Variants in DNAI4 observed in about 807,000 individuals in gnomAD.
DNAI4 encodes the protein dynein axonemal intermediate chain 4.
DNAI4 carries 85 observed loss-of-function variants against 105.8 expected under a neutral mutation model. The ratio of observed to expected loss-of-function variants is 0.80; its 90% CI spans 0.67 to 0.96. The LOEUF is 0.96. Ranked by LOEUF, DNAI4 falls within the 40% of genes least tolerant of loss-of-function variation. The pLI, the probability that DNAI4 is intolerant of heterozygous loss-of-function variation, is 0.00. For synonymous variants in DNAI4, 352 were observed against 331.5 expected, an observed-to-expected ratio of 1.06 and a Z score of -0.67; for missense variants, 1,014 against 1,005.6, an observed-to-expected ratio of 1.01 and a Z score of -0.11.
intron 1 of DNAI4, among the ~76,000 whole-genome samples, chr1:66,909,285 TACACACACACACAC>T (rs71058481): frequency 7.4e-6 from 1 of 134,466 alleles, no homozygotes; most frequent in African/African-American, 2.9e-5. Flanking sequence ...CACCTCTCTC[TACACACACACACAC>T]ACACACACAC....
At chr1:66,879,782 A>C (rs567855546) in intron 4 of DNAI4, among the ~76,000 whole-genome samples, 1 of 152,258 alleles carries the variant, frequency 6.6e-6, no homozygotes, top group South Asian at 2.1e-4. Context: ...TATGAAACTG[A>C]GCATCATTTC....
chr1:66,882,501 G>A (rs1447751484), intron 4 of DNAI4, among the ~76,000 whole-genome samples: 1 of 148,784 alleles, frequency 6.7e-6, no homozygotes, highest in Non-Finnish European at 1.5e-5. Context: ...TGTAAGGTCT[G>A]TGTCTATGCT....
intron 7 of DNAI4, among the ~76,000 whole-genome samples, chr1:66,854,437 T>A (rs544666760): frequency 6.6e-6 from 1 of 151,832 alleles, no homozygotes; most frequent in Non-Finnish European, 1.5e-5. Context: ...AAAAAAAAAC[T>A]TAGGTGTAAA....
intron 6 of DNAI4, among the ~76,000 whole-genome samples, chr1:66,868,918 A>C (rs1646785250): frequency 6.6e-6 from 1 of 152,026 alleles, no homozygotes; most frequent in African/African-American, 2.4e-5. Flanking sequence ...TCTACTAAAA[A>C]TACAAAAATT....
At chr1:66,892,997 G>GAAAGAA (rs1434711897) in intron 3 of DNAI4, among the ~76,000 whole-genome samples, 1 of 111,478 alleles carries the variant, frequency 9.0e-6, no homozygotes, top group Non-Finnish European at 1.9e-5. Context: ...AAGAAAGAAA[G>GAAAGAA]AGAGAAAGAG....
At chr1:66,836,312 GAAAGAAAGAAAGAA>G (rs1557909172) in intron 10 of DNAI4, among the ~76,000 whole-genome samples, 1 of 146,962 alleles carries the variant, frequency 6.8e-6, no homozygotes. Flanking sequence ...AAGAAAGAAA[GAAAGAAAGAAAGAA>G]GGAAAGAGGG....
intron 6 of DNAI4, among the ~76,000 whole-genome samples, chr1:66,865,025 T>C (rs1380031957): frequency 6.6e-6 from 1 of 152,228 alleles, no homozygotes; most frequent in African/African-American, 2.4e-5. Context: ...ACTACACATG[T>C]ATGTGTTGTA....
rs1645788324 is a variant in DNAI4 at position 66,827,873 on chromosome 1, T to C, written c.2051A>G (p.His684Arg). ...NIYLAGTEEG[H>R]IHKCSCSYNE... ...ATATGAACAAGAACATTTGTGAATA[T>C]GACCTTCTTCAGTGCCAGCCAAATA... Residue 684 changes from histidine (H) to arginine (R), a missense_variant, in exon 14 of 17, where the codon CAT becomes CGT. Physicochemically the swap from His to Arg is conservative, Grantham distance 29. Transcript: ENST00000371026. 6.2e-7 allele frequency: 1 copy of C among 1,608,446 alleles called. No homozygotes were observed. The highest frequency in any genetic ancestry group is 8.5e-7 in the Non-Finnish European group (1 of 1,177,456).
In DNAI4 at chr1:66,818,887, T is replaced by C. The variant is rs551448475; in HGVS notation, c.2496+3474A>G. Among the ~76,000 whole-genome samples, 24 of 152,244 alleles carry C rather than the reference T, an allele frequency of 1.6e-4. No individual in the cohort carries two copies. In the East Asian group the frequency reaches 4.4e-3, roughly 28 times the overall value. Reference sequence around the variant, plus strand: ...AAGATCGTGCCACTGCATTCCAGCCTGGGCGACAAGAGTGAGACTCCATCT... The same window carrying C: ...AAGATCGTGCCACTGCATTCCAGCCCGGGCGACAAGAGTGAGACTCCATCT... On this transcript the variant is annotated intron_variant, in intron 16 of 16. Coordinates refer to ENST00000371026, the MANE Select transcript of DNAI4 (RefSeq NM_024763.5).
intron 8 of DNAI4, among the ~76,000 whole-genome samples, chr1:66,846,286 A>G (rs959917186): frequency 1.3e-5 from 2 of 152,206 alleles, no homozygotes; most frequent in South Asian, 4.1e-4. Flanking sequence ...TTCTAGATGC[A>G]TGCAGGCAAA....
intron 4 of DNAI4, among the ~76,000 whole-genome samples, chr1:66,875,966 T>C (rs1646950461): frequency 6.6e-6 from 1 of 152,164 alleles, no homozygotes; most frequent in Non-Finnish European, 1.5e-5. Context: ...ACATGATCTG[T>C]ACTATGGTAA....
chr1:66,864,828 G>C (rs912440796), intron 6 of DNAI4, among the ~76,000 whole-genome samples: 1 of 152,096 alleles, frequency 6.6e-6, no homozygotes, highest in South Asian at 2.1e-4. Flanking sequence ...GCAACAAAGC[G>C]AGACTCTGTC....
intron 13 of DNAI4, chr1:66,828,632 A>C (rs1341141093): frequency 6.6e-6 from 1 of 152,088 alleles, no homozygotes; most frequent in African/African-American, 2.4e-5. Context: ...TCATTTGTAT[A>C]AGTTCTTTAT....
rs113552126 is a variant in DNAI4, at chr1:66,893,217, A to C, written c.530+12T>G. 1.2e-3 allele frequency: 1,816 copies of C among 1,469,408 alleles called. 20 individuals carry two copies. In the African/African-American group the frequency reaches 0.023, roughly 18 times the overall value. 91.0% of individuals were successfully genotyped at this position (1,469,408 alleles called of 1,614,324 possible). Reference sequence around the variant, plus strand: ...TGATAGAAAAAAGGAACTATATAATAGTATACTCTACCTTGTAAACTGCCC... The same window carrying C: ...TGATAGAAAAAAGGAACTATATAATCGTATACTCTACCTTGTAAACTGCCC... On this transcript the variant is annotated intron_variant, in intron 3 of 16. Coordinates refer to ENST00000371026, the MANE Select transcript of DNAI4 (RefSeq NM_024763.5).
intron 1 of DNAI4, among the ~76,000 whole-genome samples, chr1:66,916,243 C>T (rs1485092615): frequency 6.6e-6 from 1 of 151,954 alleles, no homozygotes; most frequent in African/African-American, 2.4e-5. Flanking sequence ...TTAAAAAAAA[C>T]TTTTATATGA....
intron 13 of DNAI4, 122 bp downstream of exon 13, chr1:66,833,463 C>T: frequency 8.8e-7 from 1 of 1,141,062 alleles, no homozygotes; most frequent in Non-Finnish European, 1.2e-6. Context: ...TACTTTCTGT[C>T]TCTAATATAT....
At chr1:66,829,460 A>G (rs567887514) in intron 13 of DNAI4, among the ~76,000 whole-genome samples, 30 of 152,170 alleles carry the variant, frequency 2.0e-4, no homozygotes, top group Non-Finnish European at 3.1e-4. Context: ...AAAAAAAATC[A>G]CAAGTTATAA....
chr1:66,839,189 T>C (rs1328855798), intron 9 of DNAI4, among the ~76,000 whole-genome samples: 1 of 152,164 alleles, frequency 6.6e-6, no homozygotes, highest in African/African-American at 2.4e-5. Context: ...CCCAGCACTT[T>C]GGGAGGCCAA....
Position 66,895,922 on chromosome 1 carries a change from TTTG to T in DNAI4, c.346-2512_346-2510del, listed in dbSNP as rs535498968. 6.6e-5 allele frequency among the ~76,000 whole-genome samples: 10 copies of T among 152,088 alleles called. No homozygotes were observed. The South Asian group carries it at 8.3e-4, about 13-fold the overall frequency. ...TTCCTTATGATGTATGTATTAAGCATTTGTTGTTGTTGTTGTTGTTGTTACTGA... is the reference window on the plus strand; with the variant it reads ...TTCCTTATGATGTATGTATTAAGCATTTGTTGTTGTTGTTGTTGTTACTGA... On this transcript the variant is annotated intron_variant, in intron 2 of 16. Coordinates refer to ENST00000371026, the MANE Select transcript of DNAI4 (RefSeq NM_024763.5).
Sources: allele counts gnomAD v4.1 joint callset (sites outside exome capture counted in the v4.1 genomes callset), GRCh38; gene constraint gnomAD v4.1.1; transcripts MANE v1.5; gene names NCBI Gene and HGNC (gene_info 2026-07-23, HGNC 2026-07-21).